Variants in ZNF536 observed in about 807,000 individuals in gnomAD.
ZNF536 encodes the protein zinc finger protein 536.
ZNF536 carries 13 observed loss-of-function variants against 84.5 expected under a neutral mutation model. That is an observed-to-expected ratio of 0.15 (90% CI 0.10 to 0.24). ZNF536 has a LOEUF of 0.24. ZNF536 is among the 10% of genes least tolerant of loss of function. The probability of loss-of-function intolerance (pLI) is 1.00; values close to 1 mark genes in which losing one functional copy is unlikely to be tolerated. For synonymous variants in ZNF536, 811 were observed against 742.5 expected, an observed-to-expected ratio of 1.09 and a Z score of -1.50; for missense variants, 1,536 against 1,747.5, an observed-to-expected ratio of 0.88 and a Z score of 2.16.
chr19:30,672,395 G>A (rs1370719200), intron 1 of ZNF536, among the ~76,000 whole-genome samples: 2 of 152,170 alleles, frequency 1.3e-5, no homozygotes, highest in African/African-American at 2.4e-5. Context: ...TTGAAATAGC[G>A]AATTGGTGAA....
rs532034054 is a variant in ZNF536, at chr19:30,236,725, G to A, written c.-190+8052G>A. On this transcript the variant is annotated intron_variant, in intron 1 of 5. Transcript: ENST00000585628. Reference sequence around the variant, plus strand: ...GTGGCTTTCTTAGTAGGTGACAAACGATTAGCTCAGCCAGGGTCTGGTCAT... The same window carrying A: ...GTGGCTTTCTTAGTAGGTGACAAACAATTAGCTCAGCCAGGGTCTGGTCAT... Among the ~76,000 whole-genome samples the A allele has an allele frequency of 8.5e-5, 13 of 152,248 alleles. No homozygotes were observed. In the East Asian group the frequency reaches 1.9e-3, roughly 23 times the overall value.
chr19:30,262,275 C>G (rs558889923), intron 1 of ZNF536, among the ~76,000 whole-genome samples: 1 of 152,342 alleles, frequency 6.6e-6, no homozygotes, highest in East Asian at 1.9e-4. Context: ...GGCGGCTGCC[C>G]AGGACATAGG....
chr19:30,404,834 G>T (rs1435028606), intron 1 of ZNF536, among the ~76,000 whole-genome samples: 1 of 152,138 alleles, frequency 6.6e-6, no homozygotes, highest in Non-Finnish European at 1.5e-5. Context: ...TGCGAGCTCA[G>T]TCCCCAAGAC....
At chr19:30,226,341 C>G (rs1309697338), upstream of ZNF536, among the ~76,000 whole-genome samples, 15 of 152,068 alleles carry the variant, frequency 9.9e-5, no homozygotes, top group Admixed American at 9.8e-4. The surrounding 1 kb of genome is among the most constrained non-coding windows in gnomAD (Gnocchi z 4.6). Context: ...TTCTCTGGTC[C>G]GCGCTCACTG....
At chr19:30,395,364 C>G (rs1288271363) in intron 1 of ZNF536, among the ~76,000 whole-genome samples, 4 of 152,324 alleles carry the variant, frequency 2.6e-5, no homozygotes, top group African/African-American at 9.6e-5. Context: ...CTAAGACACA[C>G]ATCTGGTTTG....
At chr19:30,233,220 C>T (rs1246850304) in intron 1 of ZNF536, among the ~76,000 whole-genome samples, 4 of 122,598 alleles carry the variant, frequency 3.3e-5, no homozygotes, top group South Asian at 2.8e-4. Context: ...GGGGTTGGGG[C>T]GGGGGGAGAA....
At chr19:30,323,229 T>G (rs947972981) in intron 2 of ZNF536, among the ~76,000 whole-genome samples, 1 of 152,180 alleles carries the variant, frequency 6.6e-6, no homozygotes, top group Non-Finnish European at 1.5e-5. Flanking sequence ...AACTCTCGGC[T>G]CCACTCAGCT....
intron 3 of ZNF536, among the ~76,000 whole-genome samples, chr19:30,362,073 C>T (rs1012167016): frequency 4.6e-5 from 7 of 152,126 alleles, no homozygotes; most frequent in Admixed American, 2.0e-4. Flanking sequence ...CAGTGGGGCA[C>T]GGGCAGTTGA....
rs553097957 is a variant in ZNF536 at position 30,657,638 on chromosome 19, C to T, written c.170-53119C>T. ...ATCCTTCCTTGCAGATTTCATGCCT[C>T]TCTTCTGCTGATGATTCAAACAGGC... On this transcript the variant is annotated intron_variant, in intron 1 of 1. Coordinates refer to the ZNF536 transcript ENST00000592773. Among the ~76,000 whole-genome samples the T allele has an allele frequency of 6.7e-4, 102 of 152,342 alleles. 1 individual carries two copies. The highest frequency in any genetic ancestry group is 2.4e-3 in the African/African-American group (99 of 41,576).
chr19:30,343,569 C>T (rs1010907087), intron 2 of ZNF536, among the ~76,000 whole-genome samples: 1 of 152,184 alleles, frequency 6.6e-6, no homozygotes, highest in African/African-American at 2.4e-5. Flanking sequence ...GGGCTACTAA[C>T]TGGTAGTCCC....
At chr19:30,489,506 C>G (rs1203012790) in intron 2 of ZNF536, among the ~76,000 whole-genome samples, 3 of 152,112 alleles carry the variant, frequency 2.0e-5, no homozygotes, top group Non-Finnish European at 2.9e-5. Context: ...CGCTTGAGCC[C>G]GGGAGGTCCA....
intron 2 of ZNF536, among the ~76,000 whole-genome samples, chr19:30,306,322 A>T (rs1375689980): frequency 6.7e-6 from 1 of 150,308 alleles, no homozygotes; most frequent in East Asian, 2.0e-4. Flanking sequence ...CTCTTGTCTT[A>T]TCTCTCTGTC....
chr19:30,313,063 C>T (rs2046559708), intron 2 of ZNF536, among the ~76,000 whole-genome samples: 1 of 152,198 alleles, frequency 6.6e-6, no homozygotes, highest in Non-Finnish European at 1.5e-5. Context: ...AGCAGACATG[C>T]CAGGCATCAT....
intron 1 of ZNF536, among the ~76,000 whole-genome samples, chr19:30,688,672 CT>C (rs2051290593): frequency 6.6e-6 from 1 of 152,188 alleles, no homozygotes; most frequent in African/African-American, 2.4e-5. Flanking sequence ...CACATGGTTG[CT>C]TTAATTTTCT....
chr19:30,469,915 T>G (rs1248618234), intron 2 of ZNF536, among the ~76,000 whole-genome samples: 1 of 152,104 alleles, frequency 6.6e-6, no homozygotes, highest in Non-Finnish European at 1.5e-5. Context: ...CCACATGCTA[T>G]TCACTGCTAG....
At chr19:30,530,562 G>A (rs1371774031) in intron 2 of ZNF536, among the ~76,000 whole-genome samples, 8 of 152,094 alleles carry the variant, frequency 5.3e-5, no homozygotes, top group South Asian at 2.1e-4. Context: ...GGCCAGGCTC[G>A]TCTCAAACTC....
chr19:30,603,105 C>T (rs1007945775), intron 1 of ZNF536, among the ~76,000 whole-genome samples: 2 of 152,158 alleles, frequency 1.3e-5, no homozygotes, highest in African/African-American at 4.8e-5. Flanking sequence ...AAGGCAGAAT[C>T]ATAATCACAC....
intron 1 of ZNF536, among the ~76,000 whole-genome samples, chr19:30,421,565 G>A (rs758966530): frequency 3.9e-5 from 6 of 152,100 alleles, no homozygotes; most frequent in African/African-American, 7.2e-5. Flanking sequence ...GTCTCACCAT[G>A]TTACCCAAGC....
Position 30,441,158 on chromosome 19 carries a change from CA to C in ZNF536, c.-2-2402del, listed in dbSNP as rs761795373. Among the ~76,000 whole-genome samples the C allele has an allele frequency of 1.2e-3, 176 of 152,324 alleles. 1 individual carries two copies. The highest frequency in any genetic ancestry group is 0.01 in the Middle Eastern group (3 of 294). ...TGCTGAATTGGCGTCAGCTCATCAG[CA>C]GCAACCTGAAAATAGCCCGTCTTCC... On this transcript the variant is annotated intron_variant, in intron 1 of 4. Coordinates refer to ENST00000355537, the MANE Select transcript of ZNF536 (RefSeq NM_014717.3).
Sources: gnomAD v4.1 joint callset for allele counts (sites outside exome capture counted in the v4.1 genomes callset) on GRCh38, gnomAD v4.1.1 for gene constraint, Gnocchi (gnomAD v3.1) non-coding constraint, MANE v1.5 for transcripts, NCBI Gene and HGNC (gene_info 2026-07-23, HGNC 2026-07-21) for gene names.